The following SAMMSON variants were observed in gnomAD, a reference collection of about 807,000 sequenced individuals.
SAMMSON encodes survival associated mitochondrial melanoma specific oncogenic non-coding RNA.
chr3:70,022,604 A>G (rs1180561423), intron 3 of SAMMSON, among the ~76,000 whole-genome samples: 2 of 152,122 alleles, frequency 1.3e-5, no homozygotes, highest in African/African-American at 4.8e-5. Flanking sequence ...TCTGACTTGT[A>G]TCATAAATTC....
chr3:70,035,307 C>G (rs550771829), intron 3 of SAMMSON, among the ~76,000 whole-genome samples: 2 of 152,100 alleles, frequency 1.3e-5, no homozygotes, highest in Non-Finnish European at 1.5e-5. Context: ...GAGTGCTTTT[C>G]ACACTGAAAA....
intron 7 of SAMMSON, among the ~76,000 whole-genome samples, chr3:70,319,679 T>C (rs186418339): frequency 6.6e-6 from 1 of 152,198 alleles, no homozygotes; most frequent in Admixed American, 6.6e-5. Flanking sequence ...AGACTTGAGA[T>C]TCCATTTAAG....
chr3:70,401,943 CT>C (rs1701144852), intron 2 of SAMMSON, among the ~76,000 whole-genome samples: 1 of 152,082 alleles, frequency 6.6e-6, no homozygotes. Context: ...TGTCCTCTTC[CT>C]AATCACATTT....
intron 6 of SAMMSON, among the ~76,000 whole-genome samples, chr3:70,267,472 C>T (rs991285879): frequency 2.8e-5 from 4 of 144,696 alleles, no homozygotes; most frequent in Admixed American, 2.2e-4. Context: ...GCGCGATCTC[C>T]GCTCACTGCA....
intron 9 of SAMMSON, among the ~76,000 whole-genome samples, chr3:70,365,878 C>T (rs1702915938): frequency 6.6e-6 from 1 of 150,560 alleles, no homozygotes; most frequent in Non-Finnish European, 1.5e-5. Flanking sequence ...CTCCCTTGTG[C>T]TGTAAAGTTC....
intron 3 of SAMMSON, among the ~76,000 whole-genome samples, chr3:70,022,851 G>A (rs1237986239): frequency 6.6e-6 from 1 of 152,196 alleles, no homozygotes; most frequent in Non-Finnish European, 1.5e-5. Context: ...AAGTGGAATA[G>A]CTCTGCCATG....
chr3:70,218,492 A>C (rs1263159609), intron 4 of SAMMSON, among the ~76,000 whole-genome samples: 1 of 152,110 alleles, frequency 6.6e-6, no homozygotes, highest in Non-Finnish European at 1.5e-5. Context: ...AAAAAAATTC[A>C]ATTTTCTTTT....
chr3:70,095,155 T>C (rs2067318926), intron 4 of SAMMSON, among the ~76,000 whole-genome samples: 1 of 152,264 alleles, frequency 6.6e-6, no homozygotes, highest in Middle Eastern at 3.4e-3. Context: ...AGTCCTCAGT[T>C]TTCCCTTATC....
intron 4 of SAMMSON, among the ~76,000 whole-genome samples, chr3:70,221,694 G>T (rs749045481): frequency 3.3e-4 from 51 of 152,268 alleles, no homozygotes; most frequent in Non-Finnish European, 6.2e-4. Context: ...AGGTTCAAAT[G>T]GAAGGGGAAA....
chr3:70,239,693 A>C (rs1342398561), intron 4 of SAMMSON, among the ~76,000 whole-genome samples: 1 of 151,994 alleles, frequency 6.6e-6, no homozygotes, highest in Non-Finnish European at 1.5e-5. Context: ...TCTCAAGTCT[A>C]TTTCATCATT....
At chr3:70,024,940 G>A (rs1428251907) in intron 3 of SAMMSON, 1 of 152,214 alleles carries the variant, frequency 6.6e-6, no homozygotes. Context: ...AGAGGTGGAA[G>A]ATGACCTAAG....
At chr3:70,259,296 C>T (rs1429558841) in intron 6 of SAMMSON, among the ~76,000 whole-genome samples, 1 of 152,076 alleles carries the variant, frequency 6.6e-6, no homozygotes, top group Non-Finnish European at 1.5e-5. Context: ...GACATTTATC[C>T]ATTTAAAGAA....
chr3:70,196,028 G>A (rs968802795), intron 4 of SAMMSON, among the ~76,000 whole-genome samples: 3 of 152,086 alleles, frequency 2.0e-5, no homozygotes, highest in East Asian at 1.9e-4. Flanking sequence ...TACCCTCAAC[G>A]CTTATTTCTT....
chr3:70,156,681 A>G (rs1408511703), intron 4 of SAMMSON, among the ~76,000 whole-genome samples: 1 of 152,132 alleles, frequency 6.6e-6, no homozygotes, highest in Non-Finnish European at 1.5e-5. Context: ...TTCCTGTGAT[A>G]AAGACAGGTC....
chr3:70,317,897 G>T lies in SAMMSON; in HGVS notation n.739+26654G>T, dbSNP rs1363012326. ...AAATGTCTTTAGTTCACTATCATCT[G>T]TGAAGGATATTTATGCTGAATATAG... On this transcript the variant is annotated intron_variant and non_coding_transcript_variant, in intron 7 of 9. Transcript: ENST00000642114. Among the ~76,000 whole-genome samples the T allele has an allele frequency of 2.0e-5, 3 of 151,622 alleles. No individual in the cohort carries two copies. The East Asian group carries it at 5.8e-4, about 29-fold the overall frequency.
chr3:70,028,178 C>CTTTCTTT lies in SAMMSON; in HGVS notation n.417+14506_417+14507insTTTCTTT, dbSNP rs1553711356. Among the ~76,000 whole-genome samples the CTTTCTTT allele has an allele frequency of 1.3e-3, 92 of 70,028 alleles. 1 individual carries two copies. The highest frequency in any genetic ancestry group is 1.6e-3 in the Non-Finnish European group (52 of 32,966). The allele number at this position is 70,028 out of a possible 152,430, so 45.9% of individuals were successfully genotyped here. Reference sequence around the variant, plus strand: ...TCCTTCCTTCCTTCCTTCCTTCCTTCCTTCCTTCCTTTCTTTCTTTCTTTC... The same window carrying CTTTCTTT: ...TCCTTCCTTCCTTCCTTCCTTCCTTCTTTCTTTCTTCCTTCCTTTCTTTCTTTCTTTC... On this transcript the variant is annotated intron_variant and non_coding_transcript_variant, in intron 3 of 9. Transcript: ENST00000642114.
chr3:70,420,350 T>C (rs1404025760), intron 2 of SAMMSON, among the ~76,000 whole-genome samples: 21 of 152,198 alleles, frequency 1.4e-4, no homozygotes, highest in Non-Finnish European at 4.4e-5. Context: ...GAAAGAAAAA[T>C]TTGTTTTCAG....
intron 4 of SAMMSON, among the ~76,000 whole-genome samples, chr3:70,195,444 T>A (rs1701166841): frequency 6.6e-6 from 1 of 152,194 alleles, no homozygotes; most frequent in Non-Finnish European, 1.5e-5. Context: ...AGAGGCAGTT[T>A]ACAAATATTT....
intron 4 of SAMMSON, among the ~76,000 whole-genome samples, chr3:70,150,605 GATTCATTCCATTATTCTAGAAA>G (rs1022629790): frequency 1.6e-4 from 24 of 151,928 alleles, no homozygotes; most frequent in African/African-American, 5.6e-4. Context: ...AGATTAGCAG[GATTCATTCCATTATTCTAGAAA>G]AAAAATAGCT....
Sources: allele counts gnomAD v4.1 joint callset (sites outside exome capture counted in the v4.1 genomes callset), GRCh38; gene constraint gnomAD v4.1.1; transcripts MANE v1.5; gene names NCBI Gene and HGNC (gene_info 2026-07-23, HGNC 2026-07-21).